Variants in PRLR observed in about 807,000 individuals in gnomAD.
The protein encoded by PRLR is hPRL receptor.
In PRLR, 13 loss-of-function variants were observed where a neutral mutation model predicts 40.2. That is an observed-to-expected ratio of 0.32 (90% CI 0.21 to 0.51). The LOEUF is 0.51. Ranked by LOEUF, PRLR falls within the 20% of genes least tolerant of loss-of-function variation. The pLI is 0.97. For missense variants in PRLR, 656 were observed against 747.3 expected (o/e 0.88, Z 1.42); for synonymous variants, 269 against 278.7 (o/e 0.97, Z 0.35).
chr5:35,191,095 G>GA (rs1775592583), intron 1 of PRLR, among the ~76,000 whole-genome samples: 1 of 90,708 alleles, frequency 1.1e-5, no homozygotes, highest in Non-Finnish European at 2.0e-5. Context: ...TTTTGAGACG[G>GA]AGTCTCGCTC....
intron 3 of PRLR, 120 bp downstream of exon 3, chr5:35,089,431 C>T (rs1771066402): frequency 1.4e-6 from 1 of 690,732 alleles, no homozygotes. Context: ...AATTTAACAG[C>T]AGCACATAAC....
intron 5 of PRLR, among the ~76,000 whole-genome samples, chr5:35,075,726 G>T (rs1770046022): frequency 6.6e-6 from 1 of 152,216 alleles, no homozygotes; most frequent in Non-Finnish European, 1.5e-5. Flanking sequence ...TCTGAGAACG[G>T]ACAGACTGCC....
At chr5:35,160,376 G>A (rs1403850548) in intron 1 of PRLR, among the ~76,000 whole-genome samples, 1 of 152,180 alleles carries the variant, frequency 6.6e-6, no homozygotes, top group African/African-American at 2.4e-5. Context: ...GAAAATTATG[G>A]CAGTGAAGGA....
chr5:35,194,173 C>CT (rs1775676124), intron 1 of PRLR, among the ~76,000 whole-genome samples: 1 of 152,114 alleles, frequency 6.6e-6, no homozygotes, highest in African/African-American at 2.4e-5. Context: ...GGAGAACTTG[C>CT]TTTTTTAGAA....
chr5:35,201,102 A>G (rs936455900), intron 1 of PRLR, among the ~76,000 whole-genome samples: 7 of 152,354 alleles, frequency 4.6e-5, no homozygotes, highest in Middle Eastern at 3.4e-3. Flanking sequence ...GAACCTTAAC[A>G]TCTTCATTAA....
Position 35,080,196 on chromosome 5 carries a change from A to C in PRLR, c.373+4274T>G, listed in dbSNP as rs550862247. ...AAGCCAAAATTGACAAATGGGATCTAATTAAACTAAAGAGCTTCTGCACAG... is the reference window on the plus strand; with the variant it reads ...AAGCCAAAATTGACAAATGGGATCTCATTAAACTAAAGAGCTTCTGCACAG... On this transcript the variant is annotated intron_variant, in intron 5 of 9. Transcript: ENST00000618457. 1.6e-4 allele frequency among the ~76,000 whole-genome samples: 24 copies of C among 152,358 alleles called. 2 individuals are homozygous for C. The South Asian group carries it at 4.3e-3, about 28-fold the overall frequency.
intron 1 of PRLR, among the ~76,000 whole-genome samples, chr5:35,200,971 T>A (rs549853494): frequency 6.6e-6 from 1 of 152,210 alleles, no homozygotes; most frequent in African/African-American, 2.4e-5. Context: ...AAGGCTCTAC[T>A]TTTTCCTTCC....
At chr5:35,107,381 C>A (rs913718569) in intron 2 of PRLR, among the ~76,000 whole-genome samples, 3 of 151,916 alleles carry the variant, frequency 2.0e-5, no homozygotes, top group African/African-American at 7.3e-5. Flanking sequence ...AAGATCAGAG[C>A]AGAACTGAAG....
intron 1 of PRLR, among the ~76,000 whole-genome samples, chr5:35,159,380 TA>T (rs1156434784): frequency 6.6e-6 from 1 of 151,254 alleles, no homozygotes; most frequent in Non-Finnish European, 1.5e-5. Context: ...CCTCTTGGCT[TA>T]GACCCATTGG....
chr5:35,053,811 AT>A (rs1768590788), downstream of PRLR, among the ~76,000 whole-genome samples: 2 of 152,196 alleles, frequency 1.3e-5, no homozygotes, highest in South Asian at 4.1e-4. Flanking sequence ...TCATCTGAAA[AT>A]TCATATGATG....
chr5:35,056,457 AAAGTTTCTATTAAATGG>A lies in PRLR; in HGVS notation c.*8615_*8631del, dbSNP rs1244516039. ...CACTGCTCCCTTACCCCAAGATTTC[AAAGTTTCTATTAAATGG>A]AAGTTGCATCTTCCAGCCCCAAAGA... On this transcript the variant is annotated 3_prime_UTR_variant, in exon 10 of 10. Transcript: ENST00000618457. 1 of 152,112 alleles carries A rather than the reference AAAGTTTCTATTAAATGG, an allele frequency of 6.6e-6. No homozygotes were observed. The highest frequency in any genetic ancestry group is 1.9e-4 in the East Asian group (1 of 5,200). The allele number at this position is 152,112 out of a possible 1,614,324, so 9.4% of individuals were successfully genotyped here. A position where few individuals can be genotyped will look rare whatever the true frequency, so the allele number is the denominator to read the frequency against.
At chr5:35,199,778 G>A (rs533787947) in intron 1 of PRLR, among the ~76,000 whole-genome samples, 16 of 152,228 alleles carry the variant, frequency 1.1e-4, no homozygotes, top group African/African-American at 3.1e-4. Context: ...ATAACATTTT[G>A]TTACTCCCTT....
At chr5:35,085,568 G>GA (rs1169711918) in intron 4 of PRLR, among the ~76,000 whole-genome samples, 1 of 151,974 alleles carries the variant, frequency 6.6e-6, no homozygotes, top group Non-Finnish European at 1.5e-5. Context: ...ATGTGCTAAG[G>GA]AAAAAACCTC....
At chr5:35,127,570 T>C (rs1773510974) in intron 1 of PRLR, among the ~76,000 whole-genome samples, 1 of 152,208 alleles carries the variant, frequency 6.6e-6, no homozygotes, top group Non-Finnish European at 1.5e-5. Flanking sequence ...AAAGAGATCA[T>C]GGCACTTTGC....
chr5:35,099,201 C>T lies in PRLR; in HGVS notation c.-43-9538G>A, dbSNP rs77268948. The stretch of plus-strand genomic sequence containing the variant: ...TGAGGTCAGGTGATGAAGTGGTGGC[C>T]TCTGAAAGTGGGTAGAAATAACACA... On this transcript the variant is annotated intron_variant, in intron 2 of 9. Coordinates refer to ENST00000618457, the MANE Select transcript of PRLR (RefSeq NM_000949.7). Among the ~76,000 whole-genome samples, 1,097 of 152,190 alleles carry T rather than the reference C, an allele frequency of 7.2e-3. 14 individuals carry two copies. The highest frequency in any genetic ancestry group is 0.026 in the African/African-American group (1,066 of 41,516).
intron 9 of PRLR, 87 bp downstream of exon 9, chr5:35,068,129 G>T: frequency 7.9e-7 from 1 of 1,261,458 alleles, no homozygotes; most frequent in South Asian, 1.2e-5. Flanking sequence ...CTACCAGGCT[G>T]AACTGACGGG....
intron 1 of PRLR, among the ~76,000 whole-genome samples, chr5:35,157,075 G>C (rs1389161673): frequency 6.6e-6 from 1 of 152,008 alleles, no homozygotes; most frequent in Non-Finnish European, 1.5e-5. Flanking sequence ...GATGCAATGA[G>C]ATATCTTGGG....
chr5:35,180,789 A>G (rs1775276595), intron 1 of PRLR, among the ~76,000 whole-genome samples: 1 of 152,050 alleles, frequency 6.6e-6, no homozygotes, highest in Non-Finnish European at 1.5e-5. Context: ...CCTGTGTCCA[A>G]GTGTTCTCAT....
chr5:35,228,683 GA>G (rs1410178179), intron 1 of PRLR, among the ~76,000 whole-genome samples: 6 of 152,198 alleles, frequency 3.9e-5, no homozygotes, highest in African/African-American at 9.7e-5. Context: ...GGGTTGTGAG[GA>G]GGGGTCCCCT....
Sources: gnomAD v4.1 joint callset for allele counts (sites outside exome capture counted in the v4.1 genomes callset) on GRCh38, gnomAD v4.1.1 for gene constraint, MANE v1.5 for transcripts, NCBI Gene and HGNC (gene_info 2026-07-23, HGNC 2026-07-21) for gene names.